Variants in MAML2 observed in about 807,000 individuals in gnomAD.
MAML2 encodes mastermind like transcriptional coactivator 2, also known as mastermind-like protein 2.
A neutral mutation model predicts 96.1 loss-of-function variants in MAML2; 22 were observed. The ratio of observed to expected loss-of-function variants is 0.23; its 90% CI spans 0.16 to 0.33. The LOEUF is 0.33. Ranked by LOEUF, MAML2 falls within the 10% of genes least tolerant of loss-of-function variation. The probability of loss-of-function intolerance (pLI) is 1.00; values close to 1 mark genes in which losing one functional copy is unlikely to be tolerated. For missense variants in MAML2, 1,367 were observed against 1,392.4 expected, an observed-to-expected ratio of 0.98 and a Z score of 0.29; for synonymous variants, 561 against 521.3, an observed-to-expected ratio of 1.08 and a Z score of -1.04.
intron 2 of MAML2, among the ~76,000 whole-genome samples, chr11:96,008,556 A>C (rs760113288): frequency 1.4e-4 from 21 of 152,196 alleles, no homozygotes; most frequent in Non-Finnish European, 2.2e-4. Flanking sequence ...ACTGTGACTA[A>C]ATTTGAGCCA....
intron 1 of MAML2, among the ~76,000 whole-genome samples, chr11:96,180,300 C>T (rs1200116510): frequency 6.6e-6 from 1 of 152,152 alleles, no homozygotes; most frequent in Non-Finnish European, 1.5e-5. Flanking sequence ...TCCCTCCTCT[C>T]GAATCAGAGC....
rs576475891 is a variant in MAML2, at chr11:96,173,161, C to T, written c.514-79644G>A. Among the ~76,000 whole-genome samples the T allele has an allele frequency of 2.6e-5, 4 of 152,282 alleles. No individual in the cohort carries two copies. In the East Asian group the frequency reaches 5.8e-4, roughly 22 times the overall value. Reference sequence around the variant, plus strand: ...CCCAGGGGCTGTCGGGGAGATGTGTCCCAGAGCACTTGGACACAAGACTAC... The same window carrying T: ...CCCAGGGGCTGTCGGGGAGATGTGTTCCAGAGCACTTGGACACAAGACTAC... On this transcript the variant is annotated intron_variant, in intron 1 of 4. Transcript: ENST00000524717.
intron 2 of MAML2, among the ~76,000 whole-genome samples, chr11:96,063,116 C>A (rs1859193553): frequency 6.6e-6 from 1 of 152,128 alleles, no homozygotes; most frequent in African/African-American, 2.4e-5. Context: ...TTTCCCAGTA[C>A]ATTCCTGCTG....
At chr11:96,147,588 T>C (rs574311568) in intron 1 of MAML2, among the ~76,000 whole-genome samples, 1 of 152,384 alleles carries the variant, frequency 6.6e-6, no homozygotes, top group East Asian at 1.9e-4. Flanking sequence ...GTGCTTTAAG[T>C]AGAAAAAGTT....
At chr11:96,042,651 G>A (rs1858833987) in intron 2 of MAML2, among the ~76,000 whole-genome samples, 1 of 151,502 alleles carries the variant, frequency 6.6e-6, no homozygotes, top group African/African-American at 2.4e-5. Context: ...TCCCCATGAA[G>A]CCTTTTCTCC....
intron 1 of MAML2, among the ~76,000 whole-genome samples, chr11:96,211,246 CTT>C (rs1861966511): frequency 6.6e-6 from 1 of 152,064 alleles, no homozygotes; most frequent in African/African-American, 2.4e-5. Flanking sequence ...TGAAGACACT[CTT>C]TGTTAATTAG....
chr11:95,981,291 A>G (rs1013241653), intron 4 of MAML2, among the ~76,000 whole-genome samples: 17 of 152,226 alleles, frequency 1.1e-4, no homozygotes, highest in South Asian at 4.1e-4. Flanking sequence ...AGGCTGTGTA[A>G]TAAGAGGCTC....
chr11:96,306,312 A>T (rs916684948), intron 1 of MAML2, among the ~76,000 whole-genome samples: 1 of 152,180 alleles, frequency 6.6e-6, no homozygotes, highest in African/African-American at 2.4e-5. Context: ...AAAAGCTTCA[A>T]AAGACTTGGC....
At chr11:96,046,854 G>A (rs546644697) in intron 2 of MAML2, among the ~76,000 whole-genome samples, 2 of 152,296 alleles carry the variant, frequency 1.3e-5, no homozygotes, top group East Asian at 1.9e-4. Context: ...CACCCAGGAA[G>A]TTGACAGAGG....
chr11:96,167,947 A>G (rs1459651103), intron 1 of MAML2, among the ~76,000 whole-genome samples: 2 of 152,216 alleles, frequency 1.3e-5, no homozygotes, highest in South Asian at 2.1e-4. Context: ...ACCTATGTAT[A>G]TGTCTGAAGT....
chr11:96,325,709 C>T (rs915964725), intron 1 of MAML2, among the ~76,000 whole-genome samples: 1 of 152,030 alleles, frequency 6.6e-6, no homozygotes, highest in Non-Finnish European at 1.5e-5. Flanking sequence ...CTTTAACTCT[C>T]AAAACTTGAT....
intron 1 of MAML2, among the ~76,000 whole-genome samples, chr11:96,141,787 G>A (rs1290446363): frequency 1.3e-5 from 2 of 152,178 alleles, no homozygotes; most frequent in Non-Finnish European, 2.9e-5. Flanking sequence ...GGGGAGCACC[G>A]TCAGCTTGAA....
At chr11:96,328,704 A>C (rs1863817118) in intron 1 of MAML2, among the ~76,000 whole-genome samples, 1 of 152,202 alleles carries the variant, frequency 6.6e-6, no homozygotes, top group Non-Finnish European at 1.5e-5. Context: ...TTGCTCCTAG[A>C]AGCAGATCCC....
chr11:95,981,495 T>G (rs900556857), intron 4 of MAML2, among the ~76,000 whole-genome samples: 1 of 152,216 alleles, frequency 6.6e-6, no homozygotes, highest in African/African-American at 2.4e-5. Context: ...TGTCTGCAAT[T>G]GTAAACGTGG....
Position 95,985,636 on chromosome 11 carries a change from T to C in MAML2, c.2350A>G (p.Ile784Val), listed in dbSNP as rs1445418942. 1.3e-6 allele frequency: 2 copies of C among 1,597,572 alleles called. No individual in the cohort carries two copies. The highest frequency in any genetic ancestry group is 2.7e-5 in the African/African-American group (2 of 74,572). The change falls in exon 4 of 5, where the codon ATT becomes GTT. Residue 784 changes from isoleucine (I) to valine (V), a missense_variant. Ile to Val is a conservative substitution (Grantham distance 29, BLOSUM62 3). Transcript: ENST00000524717. ...QQQMLADAEK[I>V]APQDQINRHL... ...CGGTTTATCTGATCTTGTGGAGCAA[T>C]TTTCTCCTTGAGAAATGATATGAAA...
At chr11:96,045,215 A>G (rs1205869137) in intron 2 of MAML2, among the ~76,000 whole-genome samples, 1 of 152,162 alleles carries the variant, frequency 6.6e-6, no homozygotes, top group East Asian at 1.9e-4. Flanking sequence ...GTACTGAGCA[A>G]AGTCATTTTT....
chr11:96,195,285 C>T (rs996048428), intron 1 of MAML2, among the ~76,000 whole-genome samples: 4 of 152,188 alleles, frequency 2.6e-5, no homozygotes, highest in Non-Finnish European at 5.9e-5. Context: ...CTAGATTTTA[C>T]CCATGTTTAC....
chr11:95,978,652 G>A lies in MAML2; in HGVS notation c.*296C>T, dbSNP rs1448396205. 3.2e-6 allele frequency: 1 copy of A among 313,138 alleles called. No homozygotes were observed. The highest frequency in any genetic ancestry group is 2.1e-5 in the African/African-American group (1 of 46,980). 19.4% of individuals were successfully genotyped at this position (313,138 alleles called of 1,614,324 possible). On this transcript the variant is annotated 3_prime_UTR_variant, in exon 5 of 5. Coordinates refer to ENST00000524717, the MANE Select transcript of MAML2 (RefSeq NM_032427.4). ...TCCAGGGAAAAAGAAACTTGGGAAG[G>A]CTATTTTACACAATTAATTACACAT... is the stretch of plus-strand genomic sequence containing the variant.
chr11:96,100,131 C>T (rs1019320408), intron 1 of MAML2, among the ~76,000 whole-genome samples: 1 of 152,206 alleles, frequency 6.6e-6, no homozygotes, highest in Non-Finnish European at 1.5e-5. Context: ...GAAGCCCCAT[C>T]TGGACTCCAT....
Sources: gnomAD v4.1 joint callset for allele counts (sites outside exome capture counted in the v4.1 genomes callset) on GRCh38, gnomAD v4.1.1 for gene constraint, MANE v1.5 for transcripts, NCBI Gene and HGNC (gene_info 2026-07-23, HGNC 2026-07-21) for gene names.